COL6A3: variants seen among roughly 807,000 people sequenced by gnomAD.
COL6A3 encodes collagen type VI alpha 3 chain, also known as collagen alpha-3(VI) chain.
COL6A3 carries 137 observed loss-of-function variants against 274.1 expected under a neutral mutation model. The observed-to-expected ratio is 0.50, with a 90% CI of 0.44 to 0.58. The LOEUF is 0.58. Ranked by LOEUF, COL6A3 falls within the 20% of genes least tolerant of loss-of-function variation. The pLI is 0.00. For synonymous variants in COL6A3, 1,650 were observed against 1,650.6 expected (o/e 1.00, Z 0.01); for missense variants, 3,950 against 4,124.9 (o/e 0.96, Z 1.16).
intron 1 of COL6A3, among the ~76,000 whole-genome samples, chr2:237,400,405 G>A (rs532833013): frequency 3.3e-5 from 5 of 152,190 alleles, no homozygotes; most frequent in South Asian, 2.1e-4. Flanking sequence ...AATCAGGCAC[G>A]TGAAATTGTT....
intron 31 of COL6A3, among the ~76,000 whole-genome samples, chr2:237,347,275 A>G (rs1005398926): frequency 6.6e-6 from 1 of 152,130 alleles, no homozygotes; most frequent in Non-Finnish European, 1.5e-5. Context: ...CCTTGGCAAC[A>G]GAGTGAGACC....
intron 39 of COL6A3, 152 bp from the exon 40 acceptor site, chr2:237,336,684 T>C (rs1700570500): frequency 1.1e-5 from 8 of 730,742 alleles, no homozygotes; most frequent in South Asian, 2.0e-5. Flanking sequence ...TTAAATTCCT[T>C]CTTTTAAGGA....
chr2:237,378,873 GC>G lies in COL6A3; in HGVS notation c.2259del (p.Gln754SerfsTer13). Reference protein sequence around the residue: ...VPQLLLLLTAGQSEDSYLQAA... With the variant: ...VPQLLLLLTAXQSEDSYLQAA... ...GCTTGCAAATAGGAGTCCTCAGACT[GC>G]CCAGCTGTGAGCAGAAGCAGGAGCT... On this transcript the variant is annotated frameshift_variant, in exon 6 of 44. Coordinates refer to ENST00000295550, the MANE Select transcript of COL6A3 (RefSeq NM_004369.4). LOFTEE classifies it high-confidence loss of function. 1 of 1,614,250 alleles carries G rather than the reference GC, an allele frequency of 6.2e-7. No individual in the cohort carries two copies. The highest frequency in any genetic ancestry group is 8.5e-7 in the Non-Finnish European group (1 of 1,180,040).
At chr2:237,388,964 T>C (rs1447331918) in intron 3 of COL6A3, among the ~76,000 whole-genome samples, 2 of 152,240 alleles carry the variant, frequency 1.3e-5, no homozygotes, top group Non-Finnish European at 2.9e-5. Flanking sequence ...AGTCACTTAA[T>C]GCAGAACAAT....
chr2:237,338,977 G>A (rs1204118369), intron 39 of COL6A3, 38 bp downstream of exon 39: 1 of 1,546,066 alleles, frequency 6.5e-7, no homozygotes, highest in Non-Finnish European at 8.9e-7. Context: ...ATTCCCTGCA[G>A]CGCTACAATT....
At chr2:237,345,011 G>T (rs372258481) in intron 34 of COL6A3, 47 bp downstream of exon 34, 83 of 1,613,928 alleles carry the variant, frequency 5.1e-5, no homozygotes, top group Non-Finnish European at 6.8e-5. Context: ...TGAGAATTTC[G>T]AATGTAAAAA....
chr2:237,367,142 T>C lies in COL6A3; in HGVS notation c.5045A>G (p.Gln1682Arg), dbSNP rs1026210962. The C allele has an allele frequency of 3.1e-6, 5 of 1,614,234 alleles. No individual in the cohort carries two copies. The African/African-American group carries it at 4.0e-5, about 13-fold the overall frequency. Residue 1682 changes from glutamine to arginine, a missense_variant, in exon 11 of 44, where the codon CAG becomes CGG. Gln to Arg is a conservative substitution (Grantham distance 43). This residue lies in a region of COL6A3 where 632 missense variants were observed against 623.4 expected (regional missense o/e 1.01). Coordinates refer to ENST00000295550, the MANE Select transcript of COL6A3 (RefSeq NM_004369.4). The stretch of plus-strand genomic sequence containing the variant: ...TTCGTCAGTGGGGTCAGAGTTGTAC[T>C]GGACAAGCCCCACTTGGATGGAGTC... ...DGDSIQVGLV[Q>R]YNSDPTDEFF...
At chr2:237,333,352 C>A in intron 42 of COL6A3, 98 bp downstream of exon 42, 2 of 1,124,354 alleles carry the variant, frequency 1.8e-6, no homozygotes, top group South Asian at 2.6e-5. Context: ...CCATAGAAGT[C>A]ATGCCTGGGC....
At chr2:237,381,560 C>G in intron 4 of COL6A3, 61 bp from the exon 5 acceptor site, 1 of 1,363,828 alleles carries the variant, frequency 7.3e-7, no homozygotes, top group Non-Finnish European at 1.0e-6. Context: ...TCAACAATGA[C>G]TTTCAACAAA....
Position 237,334,727 on chromosome 2 carries a change from C to T in COL6A3, c.9128G>A (p.Arg3043His), listed in dbSNP as rs552651651. Residue 3043 changes from arginine (R) to histidine (H), a missense_variant, in exon 41 of 44, where the codon CGC (arginine) becomes CAC (histidine). Arg to His is a conservative substitution (Grantham distance 29). Around this residue, in one of 5 missense-constraint regions of COL6A3, gnomAD observed 1,284 missense variants for 1,349.7 expected, o/e 0.95. Transcript: ENST00000295550. Reference protein sequence around the residue: ...VLKQNLTVTDRVIGGLLAGQT... With the variant: ...VLKQNLTVTDHVIGGLLAGQT... ...CCCAGCGAGCAGGCCTCCAATGACG[C>T]GGTCCGTGACCGTGAGGTTCTGCTT... 6.2e-4 allele frequency: 1,000 copies of T among 1,614,054 alleles called. 10 individuals carry two copies. In the South Asian group the frequency reaches 7.0e-3, roughly 11 times the overall value.
intron 1 of COL6A3, among the ~76,000 whole-genome samples, chr2:237,399,701 C>T (rs772611803): frequency 1.3e-5 from 2 of 152,204 alleles, no homozygotes; most frequent in Non-Finnish European, 2.9e-5. Context: ...ATTTCATGGG[C>T]TATTCCTCTC....
chr2:237,376,885 A>G lies in COL6A3; in HGVS notation c.2957T>C (p.Ile986Thr). The part of the protein sequence containing the change: ...KNADPAELEQ[I>T]VLSPAFILAA... ...CAGGATAAACGCTGGAGACAGCACG[A>G]TCTGCTCTAACTCAGCAGGGTCTGC... Residue 986 changes from isoleucine to threonine, a missense_variant, in exon 7 of 44, where the codon ATC becomes ACC. By Grantham distance (89) the Ile-to-Thr change is moderately conservative. Transcript: ENST00000295550. The G allele has an allele frequency of 6.2e-7, 1 of 1,614,226 alleles. No homozygotes were observed. The highest frequency in any genetic ancestry group is 8.5e-7 in the Non-Finnish European group (1 of 1,180,042).
In COL6A3 at chr2:237,357,825, C is replaced by T. The variant is rs773235743; in HGVS notation, c.6529G>A (p.Gly2177Ser). Residue 2177 changes from glycine (G) to serine (S), a missense_variant, in exon 22 of 44, where the codon GGC (glycine) becomes AGC (serine). Transcript: ENST00000295550. Reference protein sequence around the residue: ...RGPKGETGDLGPMGVPGRDGV... With the variant: ...RGPKGETGDLSPMGVPGRDGV... ...AATGTGCAGCACCTTACCATGGGGC[C>T]GAGGTCACCGGTTTCTCCTTTGGGT... 3.7e-6 allele frequency: 6 copies of T among 1,613,952 alleles called. No individual in the cohort carries two copies. Among genetic ancestry groups the T allele is most frequent in the South Asian group, 1.1e-5 (1 of 91,082 alleles).
At position 237,374,515 on chromosome 2, in the gene COL6A3, G is replaced by A. The variant is rs201942049; in HGVS notation, c.3576C>T (p.Arg1192=). 44 of 1,614,062 alleles carry A rather than the reference G, an allele frequency of 2.7e-5. No homozygotes were observed. The Middle Eastern group carries it at 6.6e-4, about 24-fold the overall frequency. ...PDFAVAIPTF[R]QLGTVQQVIS... ...TGACCTGTTGGACGGTCCCCAGCTG[G>A]CGAAAGGTGGGAATGGCCACGGCAA... The change falls in exon 8 of 44, where the codon CGC becomes CGT. Residue 1192 remains arginine, a synonymous_variant. Transcript: ENST00000295550. This position sits in a 1 kb window ranked among gnomAD's most constrained non-coding sequence, Gnocchi z 4.8.
chr2:237,370,817 G>T (rs1240054675), intron 9 of COL6A3, among the ~76,000 whole-genome samples: 1 of 152,112 alleles, frequency 6.6e-6, no homozygotes, highest in African/African-American at 2.4e-5. Context: ...ATGGCCTTGG[G>T]GTTCTCCTGT....
chr2:237,376,096 G>C (rs932961673), intron 7 of COL6A3, among the ~76,000 whole-genome samples: 1 of 152,168 alleles, frequency 6.6e-6, no homozygotes, highest in Admixed American at 6.5e-5. Flanking sequence ...GGGTTAATGG[G>C]AGGAAACGGA....
At chr2:237,350,295 G>A (rs1274570863) in intron 27 of COL6A3, 86 bp from the exon 28 acceptor site, 1 of 1,273,460 alleles carries the variant, frequency 7.9e-7, no homozygotes, top group East Asian at 2.4e-5. Flanking sequence ...TCTAGGTAAG[G>A]GTGCTGCAAC....
chr2:237,344,642 C>G lies in COL6A3; in HGVS notation c.7376G>C (p.Arg2459Pro), dbSNP rs777496872. The G allele has an allele frequency of 6.2e-7, 1 of 1,614,020 alleles. No individual in the cohort carries two copies. The highest frequency in any genetic ancestry group is 8.5e-7 in the Non-Finnish European group (1 of 1,179,918). Residue 2459 changes from arginine (R) to proline (P), a missense_variant, in exon 36 of 44, where the codon CGG (arginine) becomes CCG (proline). Coordinates refer to ENST00000295550, the MANE Select transcript of COL6A3 (RefSeq NM_004369.4). This position sits in a 1 kb window ranked among gnomAD's most constrained non-coding sequence, Gnocchi z 4.8. Reference sequence around the variant, plus strand: ...CGACTTCCTCTTGGAGTCAGCAAACCGGATCTCCGTGGTCACCTCGTTGTT... The same window carrying G: ...CGACTTCCTCTTGGAGTCAGCAAACGGGATCTCCGTGGTCACCTCGTTGTT... ...TYNNEVTTEIRFADSKRKSVL... is the reference protein window; with the variant it reads ...TYNNEVTTEIPFADSKRKSVL...
rs546417474 is a variant in COL6A3 at position 237,413,676 on chromosome 2, G to T, written c.-31+277C>A. Among the ~76,000 whole-genome samples the T allele has an allele frequency of 1.1e-4, 17 of 152,300 alleles. No individual in the cohort carries two copies. Among genetic ancestry groups the T allele is most frequent in the African/African-American group, 3.8e-4 (16 of 41,566 alleles). On this transcript the variant is annotated intron_variant, in intron 1 of 43. Coordinates refer to ENST00000295550, the MANE Select transcript of COL6A3 (RefSeq NM_004369.4). The surrounding 1 kb of genome is among the most constrained non-coding windows in gnomAD (Gnocchi z 4.0). ...CATGGGCCGAAACACACTGCCGCCCGGAATGCACAGGGCGCGTGTAGCAGC... is the reference window on the plus strand; with the variant it reads ...CATGGGCCGAAACACACTGCCGCCCTGAATGCACAGGGCGCGTGTAGCAGC...
Sources: allele counts gnomAD v4.1 joint callset (sites outside exome capture counted in the v4.1 genomes callset), GRCh38; gene constraint gnomAD v4.1.1; regional missense constraint gnomAD v4.1.1; non-coding constraint Gnocchi (gnomAD v3.1); transcripts MANE v1.5; gene names NCBI Gene and HGNC (gene_info 2026-07-23, HGNC 2026-07-21).